Variants in CDH18 observed in about 807,000 individuals in gnomAD.
CDH18 encodes the protein cadherin-18.
CDH18 carries 31 observed loss-of-function variants against 67.9 expected under a neutral mutation model. The ratio of observed to expected loss-of-function variants is 0.46; its 90% CI spans 0.34 to 0.62. The LOEUF (loss-of-function observed/expected upper bound fraction) is 0.62. Ranked by LOEUF, CDH18 falls within the 20% of genes least tolerant of loss-of-function variation. The pLI is 0.01. For synonymous variants in CDH18, 362 were observed against 347.2 expected (o/e 1.04, Z -0.48); for missense variants, 890 against 975.5 (o/e 0.91, Z 1.17).
intron 8 of CDH18, among the ~76,000 whole-genome samples, chr5:19,563,627 T>A (rs1010121822): frequency 2.0e-5 from 3 of 152,186 alleles, no homozygotes; most frequent in African/African-American, 7.2e-5. Context: ...GCTCTAATTT[T>A]ATTTTTTCAA....
chr5:20,102,433 C>T (rs192825622), intron 2 of CDH18, among the ~76,000 whole-genome samples: 23 of 152,246 alleles, frequency 1.5e-4, no homozygotes, highest in African/African-American at 5.3e-4. Flanking sequence ...ATTATGGGCT[C>T]ATTACCGGCT....
chr5:20,488,673 TTATATATATATATATA>T (rs34690857), intron 1 of CDH18, among the ~76,000 whole-genome samples: 1 of 126,978 alleles, frequency 7.9e-6, no homozygotes, highest in African/African-American at 2.8e-5. Context: ...GGGTAGTGTT[TTATATATATATATATA>T]TATATATATA....
chr5:19,899,490 G>A (rs927539644), intron 2 of CDH18, among the ~76,000 whole-genome samples: 2 of 152,092 alleles, frequency 1.3e-5, no homozygotes, highest in Non-Finnish European at 2.9e-5. Flanking sequence ...GTTGGACTCT[G>A]TGTAAACTGC....
intron 3 of CDH18, among the ~76,000 whole-genome samples, chr5:19,811,150 GAAAGAAAGAAGGAGAGAAAGAA>G (rs1778673977): frequency 8.2e-5 from 3 of 36,390 alleles, no homozygotes; most frequent in African/African-American, 1.4e-4. Context: ...AAGAAAGAAA[GAAAGAAAGAAGGAGAGAAAGAA>G]AGAGAAGAAA....
chr5:19,661,011 T>A (rs1451694657), intron 5 of CDH18, among the ~76,000 whole-genome samples: 1 of 151,682 alleles, frequency 6.6e-6, no homozygotes, highest in Non-Finnish European at 1.5e-5. Flanking sequence ...AAAAAACTCA[T>A]TTTCAGTGGG....
intron 2 of CDH18, among the ~76,000 whole-genome samples, chr5:20,011,076 A>G (rs1436994471): frequency 3.9e-5 from 6 of 152,128 alleles, no homozygotes; most frequent in African/African-American, 1.4e-4. Context: ...ATCTCAAACA[A>G]CTGTTGTTGT....
intron 5 of CDH18, among the ~76,000 whole-genome samples, chr5:19,692,108 G>A (rs1485995362): frequency 6.6e-6 from 1 of 151,846 alleles, no homozygotes; most frequent in African/African-American, 2.4e-5. Context: ...TTTTAAGAAA[G>A]GTACCAAGAA....
At chr5:19,520,585 C>T in intron 10 of CDH18, 72 bp downstream of exon 10, 1 of 1,356,950 alleles carries the variant, frequency 7.4e-7, no homozygotes. Context: ...GGGATTATAC[C>T]TAAGAATAAT....
chr5:19,927,586 T>C (rs1442430011), intron 2 of CDH18, among the ~76,000 whole-genome samples: 1 of 152,138 alleles, frequency 6.6e-6, no homozygotes, highest in East Asian at 1.9e-4. Context: ...TGAAAGCACA[T>C]ATATATAAAT....
chr5:20,572,168 T>C (rs1054884936), intron 1 of CDH18, among the ~76,000 whole-genome samples: 2 of 152,058 alleles, frequency 1.3e-5, no homozygotes, highest in Non-Finnish European at 2.9e-5. Context: ...TCTATGCCTG[T>C]GTGGATAGTA....
chr5:19,782,869 G>A (rs1775285685), intron 3 of CDH18, among the ~76,000 whole-genome samples: 2 of 152,148 alleles, frequency 1.3e-5, no homozygotes, highest in African/African-American at 4.8e-5. Flanking sequence ...ACATTACTCA[G>A]TATATCAGAA....
intron 3 of CDH18, among the ~76,000 whole-genome samples, chr5:19,768,890 C>T: frequency 6.6e-6 from 1 of 151,822 alleles, no homozygotes; most frequent in East Asian, 1.9e-4. Context: ...ACACAACTAA[C>T]ATATCTGAAA....
At chr5:20,547,770 T>C (rs936799156) in intron 1 of CDH18, among the ~76,000 whole-genome samples, 6 of 152,074 alleles carry the variant, frequency 3.9e-5, no homozygotes, top group African/African-American at 1.4e-4. Flanking sequence ...CCTAGATGAG[T>C]AGGAAGACTG....
At chr5:20,239,956 T>A (rs1742768334) in intron 2 of CDH18, among the ~76,000 whole-genome samples, 1 of 151,968 alleles carries the variant, frequency 6.6e-6, no homozygotes, top group Admixed American at 6.6e-5. Context: ...GAAAATTTAC[T>A]AAGTGAATTA....
intron 3 of CDH18, among the ~76,000 whole-genome samples, chr5:19,801,022 G>A (rs1777406920): frequency 6.6e-6 from 1 of 152,052 alleles, no homozygotes; most frequent in South Asian, 2.1e-4. Context: ...GGAGGCTGAG[G>A]CAGGAGAATT....
intron 2 of CDH18, among the ~76,000 whole-genome samples, chr5:19,940,771 AG>A (rs1794735878): frequency 6.6e-6 from 1 of 152,012 alleles, no homozygotes; most frequent in African/African-American, 2.4e-5. Context: ...CTTTTCTCCA[AG>A]TACTAGTTTA....
At chr5:20,209,939 C>T (rs1036791079) in intron 2 of CDH18, among the ~76,000 whole-genome samples, 2 of 150,880 alleles carry the variant, frequency 1.3e-5, no homozygotes, top group South Asian at 2.1e-4. Context: ...CACATGTACC[C>T]CCAAAATATT....
intron 1 of CDH18, among the ~76,000 whole-genome samples, chr5:20,510,908 T>C (rs527385504): frequency 1.3e-5 from 2 of 152,284 alleles, no homozygotes; most frequent in East Asian, 1.9e-4. Flanking sequence ...AGAAATTTAG[T>C]GTGTGACAAA....
intron 6 of CDH18, among the ~76,000 whole-genome samples, chr5:19,604,847 GT>G (rs982689099): frequency 8.3e-4 from 124 of 148,744 alleles, no homozygotes; most frequent in Middle Eastern, 3.5e-3. Context: ...TCTATAGAAA[GT>G]TTTTTTTTTC....
Sources: gnomAD v4.1 joint callset for allele counts (sites outside exome capture counted in the v4.1 genomes callset) on GRCh38, gnomAD v4.1.1 for gene constraint, MANE v1.5 for transcripts, NCBI Gene and HGNC (gene_info 2026-07-23, HGNC 2026-07-21) for gene names.